IKZF3: variants seen among roughly 807,000 people sequenced by gnomAD.
The protein encoded by IKZF3 is zinc finger protein Aiolos.
In IKZF3, 10 loss-of-function variants were observed where a neutral mutation model predicts 49.0. That is an observed-to-expected ratio of 0.20 (90% CI 0.13 to 0.35). The LOEUF (loss-of-function observed/expected upper bound fraction) is 0.35, where lower values mean the gene tolerates loss of function less well. Ranked by LOEUF, IKZF3 falls within the 10% of genes least tolerant of loss-of-function variation. The pLI, the probability that IKZF3 is intolerant of heterozygous loss-of-function variation, is 1.00. For missense variants in IKZF3, 498 were observed against 664.8 expected (o/e 0.75, Z 2.76); for synonymous variants, 209 against 228.2 (o/e 0.92, Z 0.76).
intron 3 of IKZF3, among the ~76,000 whole-genome samples, chr17:39,817,042 CA>C (rs2061693952): frequency 6.6e-6 from 1 of 152,122 alleles, no homozygotes; most frequent in African/African-American, 2.4e-5. Context: ...AAGTTTTTTC[CA>C]AGTATTTTTG....
At chr17:39,804,544 T>C (rs1348170045) in intron 3 of IKZF3, among the ~76,000 whole-genome samples, 1 of 152,050 alleles carries the variant, frequency 6.6e-6, no homozygotes, top group Non-Finnish European at 1.5e-5. Flanking sequence ...AGAGAAGAAG[T>C]AGTAGATCAC....
Position 39,760,010 on chromosome 17 carries a change from A to G in IKZF3, c.*5780T>C, listed in dbSNP as rs1381210193. ...GATAGCCAGGCTCTTTCACATCTTG[A>G]GTGTCCCAGAGTTTCCAAATCTCTG... On this transcript the variant is annotated 3_prime_UTR_variant, in exon 8 of 8. Coordinates refer to ENST00000346872, the MANE Select transcript of IKZF3 (RefSeq NM_012481.5). 1 of 152,050 alleles carries G rather than the reference A, an allele frequency of 6.6e-6. No individual in the cohort carries two copies. Among genetic ancestry groups the G allele is most frequent in the Non-Finnish European group, 1.5e-5 (1 of 68,026 alleles). 9.4% of individuals were successfully genotyped at this position (152,050 alleles called of 1,614,324 possible).
At chr17:39,864,045 A>G in intron 1 of IKZF3, 75 bp downstream of exon 1, 2 of 1,582,704 alleles carry the variant, frequency 1.3e-6, no homozygotes, top group South Asian at 2.2e-5. Flanking sequence ...GAGATTCAGA[A>G]GAAACTCTTT....
intron 7 of IKZF3, among the ~76,000 whole-genome samples, chr17:39,771,030 G>A (rs2060426248): frequency 6.6e-6 from 1 of 152,126 alleles, no homozygotes; most frequent in African/African-American, 2.4e-5. Flanking sequence ...AGAACCTAAA[G>A]CACAAACAGT....
At chr17:39,799,014 T>TGC (rs1031738153) in intron 3 of IKZF3, among the ~76,000 whole-genome samples, 4 of 151,636 alleles carry the variant, frequency 2.6e-5, no homozygotes, top group Admixed American at 6.6e-5. Context: ...TGTGTGTGTG[T>TGC]GTGTGTTTAA....
At chr17:39,854,571 C>T (rs1289004790) in intron 1 of IKZF3, among the ~76,000 whole-genome samples, 5 of 152,112 alleles carry the variant, frequency 3.3e-5, no homozygotes, top group South Asian at 2.1e-4. Context: ...AATGTCACTA[C>T]GTTTCAGAAA....
intron 1 of IKZF3, 99 bp downstream of exon 1, chr17:39,864,021 A>G (rs1023578763): frequency 6.6e-7 from 1 of 1,508,266 alleles, no homozygotes; most frequent in African/African-American, 1.4e-5. Flanking sequence ...AAAGAAGTAA[A>G]TAGAAGCAAA....
intron 6 of IKZF3, among the ~76,000 whole-genome samples, chr17:39,787,320 A>G (rs886136906): frequency 1.3e-5 from 2 of 152,270 alleles, no homozygotes; most frequent in South Asian, 2.1e-4. Flanking sequence ...ATAGAAGAAC[A>G]TCTAGTGTTT....
chr17:39,780,910 G>A (rs181158517), intron 6 of IKZF3, among the ~76,000 whole-genome samples: 17 of 152,348 alleles, frequency 1.1e-4, no homozygotes, highest in Non-Finnish European at 2.1e-4. Flanking sequence ...TAGACAGTGA[G>A]TTTCTTGTCA....
chr17:39,778,132 C>T (rs987439809), intron 6 of IKZF3: 130 of 999,034 alleles, frequency 1.3e-4, no homozygotes, highest in Non-Finnish European at 1.5e-4. Context: ...CTGCGTGTGA[C>T]ACCTGCAGAC....
chr17:39,766,359 G>A lies in IKZF3; in HGVS notation c.961C>T (p.Arg321Cys), dbSNP rs1370227275. ...GCAGGCGGTGTCTGGACCAAGGGGC[G>A]CAGGGCTTCGGCGCCAAGATAGCTG... ...AISYLGAEAL[R>C]PLVQTPPAPT... The change falls in exon 8 of 8, where the codon CGC becomes TGC. Residue 321 changes from arginine to cysteine, a missense_variant. Physicochemically the swap from Arg to Cys is radical, Grantham distance 180. Around this residue, in one of 3 missense-constraint regions of IKZF3, gnomAD observed 317 missense variants for 397.3 expected, o/e 0.80. Transcript: ENST00000346872. 5 of 1,614,078 alleles carry A rather than the reference G, an allele frequency of 3.1e-6. No individual in the cohort carries two copies. The highest frequency in any genetic ancestry group is 1.3e-5 in the African/African-American group (1 of 74,922).
intron 1 of IKZF3, among the ~76,000 whole-genome samples, chr17:39,849,942 T>C (rs901131957): frequency 6.6e-6 from 1 of 151,024 alleles, no homozygotes; most frequent in African/African-American, 2.4e-5. Context: ...TCCAACCACT[T>C]TGGAAACTCT....
chr17:39,841,255 T>C lies in IKZF3; in HGVS notation c.8-9104A>G, dbSNP rs149302425. ...AGAGCTCAAACAGTATAAGAGGACA[T>C]GCAGGGAGGAGGACTGCCTGGCCTG... On this transcript the variant is annotated intron_variant, in intron 1 of 7. Transcript: ENST00000346872. 3.1e-3 allele frequency among the ~76,000 whole-genome samples: 466 copies of C among 151,382 alleles called. 7 individuals are homozygous for C. The highest frequency in any genetic ancestry group is 0.011 in the African/African-American group (448 of 41,218).
intron 6 of IKZF3, among the ~76,000 whole-genome samples, chr17:39,786,170 T>C (rs1026042048): frequency 1.3e-5 from 2 of 152,236 alleles, no homozygotes; most frequent in African/African-American, 4.8e-5. Context: ...ACTAAAATTA[T>C]TGAAATGTGC....
intron 1 of IKZF3, among the ~76,000 whole-genome samples, chr17:39,858,489 C>A (rs1425760207): frequency 6.6e-6 from 1 of 151,950 alleles, no homozygotes; most frequent in East Asian, 1.9e-4. Flanking sequence ...GTTTCATATC[C>A]ATTACCAAGT....
intron 6 of IKZF3, among the ~76,000 whole-genome samples, chr17:39,781,642 GT>G (rs1415753360): frequency 6.6e-6 from 1 of 152,134 alleles, no homozygotes; most frequent in African/African-American, 2.4e-5. Context: ...TGAAGTCAAT[GT>G]CAATTAAAAC....
Position 39,832,144 on chromosome 17 carries a change from T to G in IKZF3, c.15A>C (p.Gln5His). Residue 5 changes from glutamine (Q) to histidine (H), a missense_variant, in exon 2 of 8, where the codon CAA (glutamine) becomes CAC (histidine). Gln to His is a conservative substitution (Grantham distance 24). Coordinates refer to ENST00000346872, the MANE Select transcript of IKZF3 (RefSeq NM_012481.5). MEDI[Q>H]TNAELKSTQE... Reference sequence around the variant, plus strand: ...GAGTGCTTTTCAGTTCCGCATTTGTTTGTATATCTGAAAAGAAAGAGGTTA... The same window carrying G: ...GAGTGCTTTTCAGTTCCGCATTTGTGTGTATATCTGAAAAGAAAGAGGTTA... 1 of 1,611,874 alleles carries G rather than the reference T, an allele frequency of 6.2e-7. No individual in the cohort carries two copies. Among genetic ancestry groups the G allele is most frequent in the Non-Finnish European group, 8.5e-7 (1 of 1,178,196 alleles).
At chr17:39,822,361 C>T (rs1398924388) in intron 3 of IKZF3, among the ~76,000 whole-genome samples, 1 of 152,118 alleles carries the variant, frequency 6.6e-6, no homozygotes, top group African/African-American at 2.4e-5. Flanking sequence ...TGGTTTCCCC[C>T]ATGCTGTTCT....
At chr17:39,788,900 CTAAAACAATAAAAACTGA>C in intron 5 of IKZF3, among the ~76,000 whole-genome samples, 1 of 152,146 alleles carries the variant, frequency 6.6e-6, no homozygotes, top group Non-Finnish European at 1.5e-5. Flanking sequence ...AAAGTCTAGG[CTAAAACAATAAAAACTGA>C]GCTAATTAAC....
Sources: allele counts gnomAD v4.1 joint callset (sites outside exome capture counted in the v4.1 genomes callset), GRCh38; gene constraint gnomAD v4.1.1; regional missense constraint gnomAD v4.1.1; transcripts MANE v1.5; gene names NCBI Gene and HGNC (gene_info 2026-07-23, HGNC 2026-07-21).